Variants in GYPE observed in about 807,000 individuals in gnomAD.
GYPE encodes glycophorin E (MNS blood group), also known as glycophorin-E.
A neutral mutation model predicts 11.6 loss-of-function variants in GYPE; 8 were observed. That is an observed-to-expected ratio of 0.69 (90% CI 0.41 to 1.25). The LOEUF is 1.25. GYPE is among the 50% of genes most tolerant of loss of function. The pLI, the probability that GYPE is intolerant of heterozygous loss-of-function variation, is 0.01. For synonymous variants in GYPE, 28 were observed against 29.6 expected (o/e 0.94, Z 0.18); for missense variants, 90 against 92.8 (o/e 0.97, Z 0.12).
intron 1 of GYPE, among the ~76,000 whole-genome samples, chr4:143,903,614 C>A (rs985434894): frequency 1.5e-4 from 22 of 149,624 alleles, no homozygotes; most frequent in African/African-American, 5.4e-4. Context: ...CTTGATCTTA[C>A]ACCTTTCTGT....
intron 1 of GYPE, among the ~76,000 whole-genome samples, chr4:143,882,471 T>C (rs1744078104): frequency 6.6e-6 from 1 of 152,212 alleles, no homozygotes; most frequent in African/African-American, 2.4e-5. Flanking sequence ...TCTATTGTAT[T>C]TTTGAAAAGG....
At chr4:143,885,774 G>C (rs574313438) in intron 1 of GYPE, among the ~76,000 whole-genome samples, 1 of 131,884 alleles carries the variant, frequency 7.6e-6, no homozygotes, top group African/African-American at 2.8e-5. Context: ...TGTCCTATTT[G>C]TACCCTTACA....
At chr4:143,874,234 A>C in intron 3 of GYPE, among the ~76,000 whole-genome samples, 1 of 152,182 alleles carries the variant, frequency 6.6e-6, no homozygotes, top group Non-Finnish European at 1.5e-5. Flanking sequence ...AAAGACAAAA[A>C]TTAGCTATAA....
chr4:143,872,585 G>T (rs961968620), intron 3 of GYPE, among the ~76,000 whole-genome samples: 1 of 152,024 alleles, frequency 6.6e-6, no homozygotes, highest in African/African-American at 2.4e-5. Flanking sequence ...TTTGCGTTGG[G>T]TAGGCAGGGA....
intron 3 of GYPE, chr4:143,873,482 G>A: frequency 2.2e-6 from 1 of 455,592 alleles, no homozygotes; most frequent in Non-Finnish European, 4.4e-6. Flanking sequence ...CAACCTACAA[G>A]AGAGAAGAGC....
In GYPE at chr4:143,872,167, C is replaced by T. The variant is rs1260946545; in HGVS notation, c.*95G>A. On this transcript the variant is annotated 3_prime_UTR_variant, in exon 4 of 4. Transcript: ENST00000358615. ...CAAGTTAGTAGCTACAGCCGTCAGG[C>T]ACACAATTACACCATGAACAGTGAA... The T allele has an allele frequency of 1.3e-5, 2 of 152,530 alleles. No individual in the cohort carries two copies. The highest frequency in any genetic ancestry group is 4.8e-5 in the African/African-American group (2 of 41,412). 9.4% of individuals were successfully genotyped at this position (152,530 alleles called of 1,614,324 possible). A position where few individuals can be genotyped will look rare whatever the true frequency, so the allele number is the denominator to read the frequency against.
At chr4:143,900,215 T>C (rs4285041) in intron 1 of GYPE, among the ~76,000 whole-genome samples, 125,859 of 134,746 alleles carry the variant, frequency 0.93, 59,581 homozygotes, top group East Asian at 1. Context: ...TCATGAGTTA[T>C]CAGGAAAATG....
At chr4:143,898,195 T>C (rs567977751) in intron 1 of GYPE, among the ~76,000 whole-genome samples, 2 of 151,984 alleles carry the variant, frequency 1.3e-5, no homozygotes, top group African/African-American at 4.8e-5. Context: ...TGGGCAACAC[T>C]GTGAAACCCC....
chr4:143,898,066 T>A (rs1744722799), intron 1 of GYPE, among the ~76,000 whole-genome samples: 1 of 2,848 alleles, frequency 3.5e-4, no homozygotes, highest in Non-Finnish European at 0.011. Flanking sequence ...AGACAGAAAC[T>A]TTTAGATTGA....
intron 1 of GYPE, among the ~76,000 whole-genome samples, chr4:143,885,605 T>C (rs1045191449): frequency 5.3e-5 from 8 of 152,094 alleles, no homozygotes; most frequent in African/African-American, 1.9e-4. Flanking sequence ...ATAATGCCTC[T>C]CTTTCCAGCT....
At chr4:143,888,628 C>T (rs2044337) in intron 1 of GYPE, among the ~76,000 whole-genome samples, 1 of 149,476 alleles carries the variant, frequency 6.7e-6, no homozygotes, top group Non-Finnish European at 1.5e-5. Context: ...CCTTTTCTGC[C>T]CAATCTCATT....
At chr4:143,877,560 T>A (rs1417333308) in intron 2 of GYPE, among the ~76,000 whole-genome samples, 2 of 152,218 alleles carry the variant, frequency 1.3e-5, no homozygotes, top group East Asian at 1.9e-4. Context: ...GTGCTTCCAG[T>A]TGAAGTAAAT....
intron 3 of GYPE, chr4:143,875,252 G>C (rs1248258171): frequency 3.8e-5 from 20 of 525,538 alleles, no homozygotes; most frequent in Non-Finnish European, 5.6e-5. Context: ...CTATCCTACT[G>C]TAATGGGCTT....
intron 1 of GYPE, among the ~76,000 whole-genome samples, chr4:143,886,405 A>G (rs1431391729): frequency 1.5e-5 from 2 of 132,122 alleles, no homozygotes; most frequent in Non-Finnish European, 3.2e-5. Context: ...AGGTAAGGAA[A>G]CCAAATTTCC....
At chr4:143,903,095 T>C (rs1295548073) in intron 1 of GYPE, among the ~76,000 whole-genome samples, 4 of 152,252 alleles carry the variant, frequency 2.6e-5, no homozygotes, top group African/African-American at 9.6e-5. Flanking sequence ...TTAGCATAAA[T>C]GTCATCTACT....
intron 3 of GYPE, chr4:143,873,575 G>A (rs1743689491): frequency 4.9e-6 from 2 of 407,396 alleles, no homozygotes; most frequent in Non-Finnish European, 9.8e-6. Context: ...TGCTCTGATA[G>A]CATTTGACAA....
intron 1 of GYPE, among the ~76,000 whole-genome samples, chr4:143,894,538 C>G (rs1052037502): frequency 3.9e-5 from 6 of 152,030 alleles, no homozygotes; most frequent in African/African-American, 1.5e-4. Flanking sequence ...ACATAGGACC[C>G]TCAGCTGCAG....
intron 1 of GYPE, among the ~76,000 whole-genome samples, chr4:143,898,499 A>G (rs1744747224): frequency 6.6e-6 from 1 of 152,230 alleles, no homozygotes; most frequent in South Asian, 2.1e-4. Context: ...TCATTAAGCA[A>G]TATATTTCAC....
In GYPE at chr4:143,871,791, A is replaced by G. The variant is rs957703405; in HGVS notation, c.*471T>C. ...GGCGGCATTTTGCCAATATAGCCCT[A>G]TCCTAAGGGAAAGGGAATTGTGGTT... is the stretch of plus-strand genomic sequence containing the variant. On this transcript the variant is annotated 3_prime_UTR_variant, in exon 4 of 4. Transcript: ENST00000358615. 6.6e-6 allele frequency: 1 copy of G among 152,202 alleles called. No homozygotes were observed. The highest frequency in any genetic ancestry group is 1.5e-5 in the Non-Finnish European group (1 of 68,046). 9.4% of individuals were successfully genotyped at this position (152,202 alleles called of 1,614,324 possible).
Sources: allele counts gnomAD v4.1 joint callset (sites outside exome capture counted in the v4.1 genomes callset), GRCh38; gene constraint gnomAD v4.1.1; transcripts MANE v1.5; gene names NCBI Gene and HGNC (gene_info 2026-07-23, HGNC 2026-07-21).